Variants in CTNNA3 observed in about 807,000 individuals in gnomAD.
CTNNA3 encodes catenin alpha-3.
A neutral mutation model predicts 95.7 loss-of-function variants in CTNNA3; 76 were observed. The observed-to-expected ratio is 0.79, with a 90% CI of 0.66 to 0.96. The LOEUF (loss-of-function observed/expected upper bound fraction) is 0.96, where lower values mean the gene tolerates loss of function less well. Among genes scored for constraint, CTNNA3 ranks in the 40% least tolerant of loss-of-function variants. The pLI, the probability that CTNNA3 is intolerant of heterozygous loss-of-function variation, is 0.00. For synonymous variants in CTNNA3, 431 were observed against 374.4 expected (o/e 1.15, Z -1.74); for missense variants, 1,191 against 1,089.8 (o/e 1.09, Z -1.31).
intron 13 of CTNNA3, among the ~76,000 whole-genome samples, chr10:66,165,912 C>T (rs2085102230): frequency 6.6e-6 from 1 of 151,778 alleles, no homozygotes; most frequent in South Asian, 2.1e-4. Flanking sequence ...GGATTACAGG[C>T]ACCTGCCACC....
intron 9 of CTNNA3, among the ~76,000 whole-genome samples, chr10:66,679,847 C>G (rs1029613402): frequency 3.3e-5 from 5 of 152,066 alleles, no homozygotes; most frequent in African/African-American, 4.8e-5. Flanking sequence ...AGCAACAATG[C>G]AAAGGGTGAC....
At chr10:67,330,236 C>A (rs1367675268) in intron 5 of CTNNA3, among the ~76,000 whole-genome samples, 1 of 152,176 alleles carries the variant, frequency 6.6e-6, no homozygotes, top group Non-Finnish European at 1.5e-5. Flanking sequence ...ACTGTCACAT[C>A]TCTCTCCTGC....
chr10:66,176,181 C>G (rs11817489), intron 13 of CTNNA3, among the ~76,000 whole-genome samples: 1 of 151,826 alleles, frequency 6.6e-6, no homozygotes, highest in African/African-American at 2.4e-5. Flanking sequence ...CATACGTGTG[C>G]GCACATGTAT....
intron 5 of CTNNA3, among the ~76,000 whole-genome samples, chr10:67,266,792 C>A (rs1866843682): frequency 6.6e-6 from 1 of 152,002 alleles, no homozygotes; most frequent in African/African-American, 2.4e-5. Context: ...TTCAAAATAA[C>A]TAAGAGAGTA....
intron 5 of CTNNA3, among the ~76,000 whole-genome samples, chr10:67,317,928 G>A (rs1171128197): frequency 6.6e-6 from 1 of 151,874 alleles, no homozygotes; most frequent in Non-Finnish European, 1.5e-5. Flanking sequence ...TTTAAAATCA[G>A]GAGACAGCTT....
intron 5 of CTNNA3, among the ~76,000 whole-genome samples, chr10:67,443,039 T>C (rs1846590596): frequency 6.8e-6 from 1 of 147,564 alleles, no homozygotes; most frequent in Non-Finnish European, 1.5e-5. Flanking sequence ...AGTGAGAACA[T>C]GCGGTGTTTG....
At chr10:66,397,894 C>T (rs2092992012) in intron 11 of CTNNA3, among the ~76,000 whole-genome samples, 3 of 151,814 alleles carry the variant, frequency 2.0e-5, no homozygotes, top group Admixed American at 2.0e-4. Context: ...TGTGTATTTA[C>T]AAGTTCCTGG....
intron 11 of CTNNA3, among the ~76,000 whole-genome samples, chr10:66,412,544 T>G (rs2093114620): frequency 1.3e-5 from 2 of 151,190 alleles, no homozygotes; most frequent in South Asian, 4.2e-4. Flanking sequence ...CACTGCAAGT[T>G]CTGTCTCCCT....
intron 13 of CTNNA3, among the ~76,000 whole-genome samples, chr10:66,247,825 C>G (rs114763839): frequency 1.5e-3 from 230 of 152,258 alleles, no homozygotes; most frequent in African/African-American, 5.4e-3. Context: ...ACACCAGACC[C>G]ATCCTGCAAG....
intron 17 of CTNNA3, among the ~76,000 whole-genome samples, chr10:65,939,078 G>A (rs2077388118): frequency 6.6e-6 from 1 of 151,612 alleles, no homozygotes; most frequent in African/African-American, 2.4e-5. Flanking sequence ...AATTTTTTTT[G>A]TATTTTGTAG....
chr10:66,584,291 A>C (rs1327422731), intron 10 of CTNNA3, among the ~76,000 whole-genome samples: 1 of 151,846 alleles, frequency 6.6e-6, no homozygotes. Flanking sequence ...GATGACTCCC[A>C]CTATTATTGT....
At chr10:67,510,147 C>T (rs1839567007) in intron 5 of CTNNA3, among the ~76,000 whole-genome samples, 1 of 152,120 alleles carries the variant, frequency 6.6e-6, no homozygotes, top group African/African-American at 2.4e-5. Context: ...TTCCTGTTCA[C>T]TCTGATGGTA....
At chr10:66,777,708 T>C (rs1468926371) in intron 7 of CTNNA3, among the ~76,000 whole-genome samples, 1 of 150,592 alleles carries the variant, frequency 6.6e-6, no homozygotes, top group Non-Finnish European at 1.5e-5. Flanking sequence ...TTCCACTTCA[T>C]GAAAGCAGAG....
At chr10:66,392,084 T>A (rs1337233222) in intron 11 of CTNNA3, among the ~76,000 whole-genome samples, 1 of 151,800 alleles carries the variant, frequency 6.6e-6, no homozygotes, top group South Asian at 2.1e-4. Context: ...AAAAAATGAA[T>A]ACATTGGACT....
At chr10:67,535,111 T>C (rs191892814) in intron 4 of CTNNA3, among the ~76,000 whole-genome samples, 14 of 152,254 alleles carry the variant, frequency 9.2e-5, no homozygotes, top group African/African-American at 3.4e-4. Flanking sequence ...ACTAGACTGA[T>C]AAATCCACAA....
intron 9 of CTNNA3, among the ~76,000 whole-genome samples, chr10:66,633,516 TA>T (rs776690948): frequency 1.5e-4 from 23 of 151,910 alleles, no homozygotes; most frequent in Non-Finnish European, 3.2e-4. Context: ...CCGTCTCTAC[TA>T]AAAATACAAA....
chr10:66,698,410 C>G (rs747520254), intron 9 of CTNNA3, among the ~76,000 whole-genome samples: 12 of 152,234 alleles, frequency 7.9e-5, no homozygotes, highest in Non-Finnish European at 1.5e-4. Context: ...TGCGCTTATT[C>G]CTTCCATCTA....
At chr10:65,943,744 C>T (rs912928490) in intron 17 of CTNNA3, among the ~76,000 whole-genome samples, 1 of 152,188 alleles carries the variant, frequency 6.6e-6, no homozygotes, top group African/African-American at 2.4e-5. Context: ...GCAGTGCAAT[C>T]TTCCCCCAGT....
chr10:67,523,059 T>C (rs1040646772), intron 4 of CTNNA3, among the ~76,000 whole-genome samples: 1 of 152,144 alleles, frequency 6.6e-6, no homozygotes, highest in East Asian at 1.9e-4. Flanking sequence ...TATCAAACTC[T>C]ATGAAATAAG....
Sources: allele counts gnomAD v4.1 joint callset (sites outside exome capture counted in the v4.1 genomes callset), GRCh38; gene constraint gnomAD v4.1.1; transcripts MANE v1.5; gene names NCBI Gene and HGNC (gene_info 2026-07-23, HGNC 2026-07-21).